Variants in PLCG2 observed in about 807,000 individuals in gnomAD.
PLCG2 encodes phospholipase C gamma 2.
Under a neutral mutation model 175.6 loss-of-function variants are expected in PLCG2, and 69 were observed. That is an observed-to-expected ratio of 0.39 (90% confidence interval 0.32 to 0.48). PLCG2 has a LOEUF of 0.48. PLCG2 is among the 20% of genes least tolerant of loss of function. PLCG2 has a pLI of 0.91. For missense variants in PLCG2, 1,798 were observed against 1,650.9 expected (o/e 1.09, Z -1.54); for synonymous variants, 827 against 624.0 (o/e 1.33, Z -4.85).
rs1909781563 is a variant in PLCG2, at chr16:81,750,280, C to T, written c.-144-5590C>T. On this transcript the variant is annotated intron_variant, in intron 1 of 5. Transcript: ENST00000565054. Reference sequence around the variant, plus strand: ...ACAACAACAACAAAAATTAGCTGGACATGGTGGCGGGCATCCGTAATCCTA... The same window carrying T: ...ACAACAACAACAAAAATTAGCTGGATATGGTGGCGGGCATCCGTAATCCTA... 4.6e-5 allele frequency among the ~76,000 whole-genome samples: 7 copies of T among 152,110 alleles called. No individual in the cohort carries two copies. In the South Asian group the frequency reaches 1.5e-3, roughly 32 times the overall value.
At chr16:81,845,636 G>A (rs866350916) in intron 2 of PLCG2, among the ~76,000 whole-genome samples, 2 of 152,208 alleles carry the variant, frequency 1.3e-5, no homozygotes, top group African/African-American at 2.4e-5. Flanking sequence ...TCCCAGCCTC[G>A]GGTCAGAAAG....
At chr16:81,910,454 A>G (rs1909569572) in intron 17 of PLCG2, 66 bp from the exon 18 acceptor site, 4 of 1,428,332 alleles carry the variant, frequency 2.8e-6, no homozygotes, top group Non-Finnish European at 3.9e-6. Context: ...CCCGCCTCTG[A>G]GGCCCTGGCT....
intron 2 of PLCG2, among the ~76,000 whole-genome samples, chr16:81,847,961 A>G (rs1678806756): frequency 6.6e-6 from 1 of 152,212 alleles, no homozygotes; most frequent in African/African-American, 2.4e-5. Context: ...TCACAATATT[A>G]CAGAATCCCA....
chr16:81,951,334 A>G (rs1042691183), intron 31 of PLCG2, among the ~76,000 whole-genome samples: 2 of 152,208 alleles, frequency 1.3e-5, no homozygotes, highest in Non-Finnish European at 2.9e-5. Context: ...AAGAGTAAAT[A>G]CTGGAAAGGA....
intron 28 of PLCG2, 185 bp from the exon 29 acceptor site, chr16:81,938,616 G>C: frequency 3.4e-6 from 2 of 584,630 alleles, no homozygotes; most frequent in South Asian, 4.2e-5. Context: ...CTGAGGAACT[G>C]TGGGATCTAC....
In PLCG2 at chr16:81,921,180, C is replaced by CT; in HGVS notation, c.2236-15dup. 1 of 1,464,718 alleles carries CT rather than the reference C, an allele frequency of 6.8e-7. No individual in the cohort carries two copies. The highest frequency in any genetic ancestry group is 9.6e-7 in the Non-Finnish European group (1 of 1,043,412). The allele number at this position is 1,464,718 out of a possible 1,614,324, so 90.7% of individuals were successfully genotyped here. A position where few individuals can be genotyped will look rare whatever the true frequency, so the allele number is the denominator to read the frequency against. On this transcript the variant is annotated splice_polypyrimidine_tract_variant and intron_variant, in intron 20 of 32. Coordinates refer to ENST00000564138, the MANE Select transcript of PLCG2 (RefSeq NM_002661.5). ...GGAGCATGGATTATTCCATTTCTTT[C>CT]TTTCTTTTTTTTTCCAGGAAAGAGA...
At chr16:81,801,988 C>T (rs1057462427) in intron 2 of PLCG2, among the ~76,000 whole-genome samples, 1 of 146,660 alleles carries the variant, frequency 6.8e-6, no homozygotes, top group Non-Finnish European at 1.5e-5. Flanking sequence ...GCCAACATTT[C>T]ATTTTGAAAT....
rs556880786 is a variant in PLCG2 at position 81,925,626 on chromosome 16, G to A, written c.2418-1456G>A. Among the ~76,000 whole-genome samples, 56 of 152,302 alleles carry A rather than the reference G, an allele frequency of 3.7e-4. No individual in the cohort carries two copies. In the South Asian group the frequency reaches 3.7e-3, roughly 10 times the overall value. On this transcript the variant is annotated intron_variant, in intron 22 of 32. Coordinates refer to ENST00000564138, the MANE Select transcript of PLCG2 (RefSeq NM_002661.5). ...AGGTCAGCCGGGTGCAGTGACTTGC[G>A]CCTGTAATCCCAGCACTTTGGGAGG...
intron 2 of PLCG2, among the ~76,000 whole-genome samples, chr16:81,831,500 G>T (rs575415238): frequency 6.6e-6 from 1 of 152,324 alleles, no homozygotes; most frequent in African/African-American, 2.4e-5. Flanking sequence ...CTCTCTATTT[G>T]TCTCAGTTTT....
Position 81,802,729 on chromosome 16 carries a change from G to C in PLCG2, c.193+16547G>C, listed in dbSNP as rs144480508. On this transcript the variant is annotated intron_variant, in intron 2 of 32. Transcript: ENST00000564138. The stretch of plus-strand genomic sequence containing the variant: ...TGGGATTACAGGCATGCGCCACCAC[G>C]CCCAGCTGATTTTGTATTTTTAGTA... Among the ~76,000 whole-genome samples the C allele has an allele frequency of 5.9e-5, 9 of 152,100 alleles. No individual in the cohort carries two copies. The South Asian group carries it at 1.0e-3, about 18-fold the overall frequency.
intron 2 of PLCG2, among the ~76,000 whole-genome samples, chr16:81,843,660 C>T (rs1031663475): frequency 6.6e-6 from 1 of 152,224 alleles, no homozygotes; most frequent in African/African-American, 2.4e-5. Flanking sequence ...GGATACTATA[C>T]AGTAATGTTT....
chr16:81,813,358 T>G (rs1437180244), intron 2 of PLCG2, among the ~76,000 whole-genome samples: 2 of 152,220 alleles, frequency 1.3e-5, no homozygotes, highest in Non-Finnish European at 2.9e-5. Context: ...GAGCAGTTGT[T>G]TGTAGTTCTC....
intron 7 of PLCG2, among the ~76,000 whole-genome samples, chr16:81,880,602 TTATAA>T (rs1395504461): frequency 1.3e-5 from 2 of 152,208 alleles, no homozygotes. Context: ...TACGTAAATG[TTATAA>T]TATGATATGA....
intron 5 of PLCG2, among the ~76,000 whole-genome samples, chr16:81,859,680 A>G (rs891127600): frequency 7.9e-5 from 12 of 152,050 alleles, no homozygotes; most frequent in East Asian, 5.8e-4. Context: ...GACTACAGGC[A>G]CCCGCCACCA....
chr16:81,840,321 C>G (rs1372216219), intron 2 of PLCG2, among the ~76,000 whole-genome samples: 1 of 152,166 alleles, frequency 6.6e-6, no homozygotes, highest in African/African-American at 2.4e-5. Flanking sequence ...ACTTTTTTGG[C>G]ACCAGGGGCC....
At chr16:81,935,483 G>A in intron 26 of PLCG2, 1 of 974,446 alleles carries the variant, frequency 1.0e-6, no homozygotes, top group Middle Eastern at 5.3e-4. Context: ...TGATGATGCT[G>A]TACGTATTTT....
At chr16:81,813,788 T>G (rs544519834) in intron 2 of PLCG2, among the ~76,000 whole-genome samples, 5 of 152,344 alleles carry the variant, frequency 3.3e-5, no homozygotes, top group Admixed American at 1.3e-4. Flanking sequence ...GTGGCTAGTT[T>G]GGGCTTCCTT....
chr16:81,741,831 T>G (rs907801477), intron 1 of PLCG2, among the ~76,000 whole-genome samples: 1 of 152,142 alleles, frequency 6.6e-6, no homozygotes, highest in African/African-American at 2.4e-5. Context: ...AATGATCAAA[T>G]CAGAGTCATT....
chr16:81,809,980 A>G (rs186981004), intron 2 of PLCG2, among the ~76,000 whole-genome samples: 322 of 150,816 alleles, frequency 2.1e-3, no homozygotes, highest in South Asian at 0.013. Flanking sequence ...GTCTGCCACC[A>G]TGGTTCTCTC....
Sources: gnomAD v4.1 joint callset for allele counts (sites outside exome capture counted in the v4.1 genomes callset) on GRCh38, gnomAD v4.1.1 for gene constraint, MANE v1.5 for transcripts, NCBI Gene and HGNC (gene_info 2026-07-23, HGNC 2026-07-21) for gene names.